DNAJC9: variants seen among roughly 807,000 people sequenced by gnomAD.
DNAJC9 encodes dnaJ homolog subfamily C member 9.
DNAJC9 carries 18 observed loss-of-function variants against 32.4 expected under a neutral mutation model. The ratio of observed to expected loss-of-function variants is 0.56; its 90% CI spans 0.38 to 0.82. The LOEUF is 0.82. Among genes scored for constraint, DNAJC9 ranks in the 40% least tolerant of loss-of-function variants. DNAJC9 has a pLI of 0.00. For synonymous variants in DNAJC9, 113 were observed against 122.1 expected, an observed-to-expected ratio of 0.93 and a Z score of 0.49; for missense variants, 310 against 321.8, an observed-to-expected ratio of 0.96 and a Z score of 0.28.
At chr10:73,237,884 T>C (rs1244259375), downstream of DNAJC9, among the ~76,000 whole-genome samples, 2 of 152,168 alleles carry the variant, frequency 1.3e-5, no homozygotes, top group African/African-American at 2.4e-5. Context: ...CCTCTGCACC[T>C]GGCTAAAAAC....
At chr10:73,246,860 T>G in intron 1 of DNAJC9, 32 bp from the exon 2 acceptor site, 4 of 1,611,588 alleles carry the variant, frequency 2.5e-6, no homozygotes, top group Non-Finnish European at 3.4e-6. Flanking sequence ...AAATCACCCC[T>G]GCTCCTCCCA....
chr10:73,240,897 A>T (rs1244543245), downstream of DNAJC9: 1 of 1,106,424 alleles, frequency 9.0e-7, no homozygotes, highest in South Asian at 1.3e-5. Flanking sequence ...CTTGAGAGTG[A>T]TTATCAAACC....
chr10:73,244,085 C>T (rs2043981848), intron 3 of DNAJC9, 156 bp from the exon 4 acceptor site: 1 of 615,572 alleles, frequency 1.6e-6, no homozygotes, highest in South Asian at 2.1e-5. Context: ...CATTAAATGG[C>T]AACAATGCTG....
At chr10:73,234,690 T>C, downstream of DNAJC9, 1 of 986,590 alleles carries the variant, frequency 1.0e-6, no homozygotes, top group Non-Finnish European at 1.5e-6. Flanking sequence ...CTTGAAAACA[T>C]AGGTAGCCTA....
At chr10:73,233,168 G>GT (rs1432311254) in intron 2 of DNAJC9, 1 of 1,545,450 alleles carries the variant, frequency 6.5e-7, no homozygotes, top group Admixed American at 2.0e-5. Context: ...CCGAGTGTAG[G>GT]TTTCAAAAGC....
rs895521919 is a variant in DNAJC9 at position 73,242,310 on chromosome 10, A to C, written c.*1090T>G. On this transcript the variant is annotated 3_prime_UTR_variant, in exon 5 of 5. Coordinates refer to ENST00000372950, the MANE Select transcript of DNAJC9 (RefSeq NM_015190.5). ...TCCCTTAAAAATTCCATATATTCTCATACCAACTCATCTACATAGAAATGA... is the reference window on the plus strand; with the variant it reads ...TCCCTTAAAAATTCCATATATTCTCCTACCAACTCATCTACATAGAAATGA... 6.6e-6 allele frequency: 1 copy of C among 152,198 alleles called. No individual in the cohort carries two copies. The highest frequency in any genetic ancestry group is 2.4e-5 in the African/African-American group (1 of 41,448). The allele number at this position is 152,198 out of a possible 1,614,324, so 9.4% of individuals were successfully genotyped here. A position where few individuals can be genotyped will look rare whatever the true frequency, so the allele number is the denominator to read the frequency against.
At chr10:73,239,507 A>G, downstream of DNAJC9, 1 of 664,572 alleles carries the variant, frequency 1.5e-6, no homozygotes. Context: ...GTTTTCCCAC[A>G]TCTTTGTAAA....
downstream of DNAJC9, among the ~76,000 whole-genome samples, chr10:73,237,759 T>C (rs1408979204): frequency 2.0e-5 from 3 of 152,000 alleles, no homozygotes; most frequent in Non-Finnish European, 4.4e-5. Context: ...AGTATCTCGC[T>C]ACATCACCCA....
At chr10:73,237,670 C>T (rs974084898), downstream of DNAJC9, among the ~76,000 whole-genome samples, 3 of 152,200 alleles carry the variant, frequency 2.0e-5, no homozygotes, top group Admixed American at 6.5e-5. Flanking sequence ...GATCCACCTA[C>T]CTTGGCCTCC....
At chr10:73,243,806 G>T in intron 4 of DNAJC9, 37 bp downstream of exon 4, 15 of 1,547,256 alleles carry the variant, frequency 9.7e-6, no homozygotes, top group Non-Finnish European at 1.2e-5. Context: ...GTAGGAATCA[G>T]ATCATTAAAG....
downstream of DNAJC9, among the ~76,000 whole-genome samples, chr10:73,235,873 T>C (rs1418168403): frequency 1.3e-5 from 2 of 152,290 alleles, no homozygotes; most frequent in Admixed American, 1.3e-4. Context: ...ATGCTGACAC[T>C]GCCTACCATT....
At chr10:73,238,302 G>A (rs1589198127), downstream of DNAJC9, among the ~76,000 whole-genome samples, 2 of 152,182 alleles carry the variant, frequency 1.3e-5, no homozygotes, top group Admixed American at 6.5e-5. Context: ...AGCCGAGATC[G>A]TGCCATTGCA....
downstream of DNAJC9, among the ~76,000 whole-genome samples, chr10:73,233,897 C>T (rs1030043552): frequency 1.3e-5 from 2 of 152,132 alleles, no homozygotes; most frequent in South Asian, 4.1e-4. Flanking sequence ...ACAATGAAAA[C>T]TTCATAAACC....
At chr10:73,239,219 CTGT>C, downstream of DNAJC9, 1 of 1,055,094 alleles carries the variant, frequency 9.5e-7, no homozygotes, top group Non-Finnish European at 1.4e-6. Flanking sequence ...CCTTTTACCA[CTGT>C]TGATTTCAAG....
intron 1 of DNAJC9, 86 bp downstream of exon 1, chr10:73,246,924 G>A: frequency 6.3e-7 from 1 of 1,588,536 alleles, no homozygotes; most frequent in Non-Finnish European, 8.6e-7. Flanking sequence ...GGAGCTCAGC[G>A]CGCTCCCCCG....
At chr10:73,246,862 C>A in intron 1 of DNAJC9, 34 bp from the exon 2 acceptor site, 2 of 1,611,042 alleles carry the variant, frequency 1.2e-6, no homozygotes, top group East Asian at 2.2e-5. Context: ...ATCACCCCTG[C>A]TCCTCCCACC....
chr10:73,239,317 TAC>T, downstream of DNAJC9: 1 of 1,551,556 alleles, frequency 6.4e-7, no homozygotes, highest in South Asian at 1.2e-5. Flanking sequence ...TGTAGCTGGA[TAC>T]ACAGTATCGT....
In DNAJC9 at chr10:73,245,971, T is replaced by C. The variant is rs990498403; in HGVS notation, c.527A>G (p.Asn176Ser). The C allele has an allele frequency of 6.2e-7, 1 of 1,613,358 alleles. No homozygotes were observed. Among genetic ancestry groups the C allele is most frequent in the Non-Finnish European group, 8.5e-7 (1 of 1,179,758 alleles). The change falls in exon 3 of 5, where the codon AAT becomes AGT. Residue 176 changes from asparagine to serine, a missense_variant. Physicochemically the swap from Asn to Ser is conservative, Grantham distance 46 (BLOSUM62 1). Coordinates refer to ENST00000372950, the MANE Select transcript of DNAJC9 (RefSeq NM_015190.5). The stretch of plus-strand genomic sequence containing the variant: ...TTGTTTCGATTCTTTGACAAAGGCA[T>C]TATAGGATGGGACCTCTCCGGCGTC... ...AIDAGEVPSY[N>S]AFVKESKQKM...
At chr10:73,241,180 G>A (rs1024666517), downstream of DNAJC9, 1 of 593,746 alleles carries the variant, frequency 1.7e-6, no homozygotes, top group South Asian at 1.9e-5. Context: ...CACCATAGCA[G>A]CCAAAAATGA....
Sources: allele counts gnomAD v4.1 joint callset (sites outside exome capture counted in the v4.1 genomes callset), GRCh38; gene constraint gnomAD v4.1.1; transcripts MANE v1.5; gene names NCBI Gene and HGNC (gene_info 2026-07-23, HGNC 2026-07-21).